Variants in AFF4 observed in about 807,000 individuals in gnomAD.
AFF4 encodes AF4/FMR2 family member 4.
AFF4 carries 13 observed loss-of-function variants against 124.8 expected under a neutral mutation model. The ratio of observed to expected loss-of-function variants is 0.10; its 90% confidence interval spans 0.07 to 0.17. The LOEUF (loss-of-function observed/expected upper bound fraction) is 0.17. AFF4 is among the 10% of genes least tolerant of loss of function. The pLI, the probability that AFF4 is intolerant of heterozygous loss-of-function variation, is 1.00. For missense variants in AFF4, 1,092 were observed against 1,403.8 expected, an observed-to-expected ratio of 0.78 and a Z score of 3.55; for synonymous variants, 477 against 496.1, an observed-to-expected ratio of 0.96 and a Z score of 0.51.
Position 132,896,530 on chromosome 5 carries a change from T to G in AFF4, c.2100A>C (p.Glu700Asp). 1.9e-6 allele frequency: 3 copies of G among 1,614,134 alleles called. No homozygotes were observed. The highest frequency in any genetic ancestry group is 2.5e-6 in the Non-Finnish European group (3 of 1,180,028). ...QRMFSPMEEK[E>D]LLSPLSEPDD... ...CAGGCTCACTGAGGGGTGAAAGAAG[T>G]TCCTTCTCTTCCATAGGAGAGAACA... The change falls in exon 11 of 21, where the codon GAA becomes GAC. Residue 700 changes from glutamate to aspartate, a missense_variant. By Grantham distance (45) the Glu-to-Asp change is conservative (BLOSUM62 2). This residue lies in a region of AFF4 where 293 missense variants were observed against 280.2 expected (regional missense o/e 1.05). Coordinates refer to ENST00000265343, the MANE Select transcript of AFF4 (RefSeq NM_014423.4).
chr5:132,933,871 CAATT>C (rs545298376), intron 3 of AFF4, among the ~76,000 whole-genome samples: 61 of 152,286 alleles, frequency 4.0e-4, no homozygotes, highest in African/African-American at 1.3e-3. Context: ...TCTAAGATAT[CAATT>C]AGTCATTCTT....
At chr5:132,956,216 T>C (rs1006927296) in intron 1 of AFF4, among the ~76,000 whole-genome samples, 3 of 152,098 alleles carry the variant, frequency 2.0e-5, no homozygotes, top group Non-Finnish European at 4.4e-5. Context: ...GCAGGCCATA[T>C]AGTCACAATT....
chr5:132,911,177 A>G (rs904616476), intron 5 of AFF4, among the ~76,000 whole-genome samples: 1 of 152,096 alleles, frequency 6.6e-6, no homozygotes, highest in African/African-American at 2.4e-5. Flanking sequence ...AAATATCTTC[A>G]TCTTATAAAA....
rs945873232 is a variant in AFF4, at chr5:132,887,995, G to A, written c.2797-13C>T. 3.7e-6 allele frequency: 6 copies of A among 1,612,614 alleles called. No individual in the cohort carries two copies. Among genetic ancestry groups the A allele is most frequent in the African/African-American group, 1.3e-5 (1 of 74,874 alleles). ...CAAACCTATCAGACTGAAGAAAGGA[G>A]AATGCAAGTAATGAGTAATGATCTA... On this transcript the variant is annotated splice_polypyrimidine_tract_variant and intron_variant, in intron 15 of 20. Coordinates refer to ENST00000265343, the MANE Select transcript of AFF4 (RefSeq NM_014423.4).
chr5:132,919,713 G>A (rs1222097557), intron 5 of AFF4, among the ~76,000 whole-genome samples: 4 of 152,084 alleles, frequency 2.6e-5, no homozygotes, highest in African/African-American at 9.7e-5. Context: ...AGCCGGGTGT[G>A]GTGGCATGCA....
At chr5:132,943,023 C>A in intron 1 of AFF4, 1 of 213,768 alleles carries the variant, frequency 4.7e-6, no homozygotes, top group South Asian at 8.5e-5. Context: ...GATGACAGTT[C>A]CCTGCGGAAA....
Position 132,940,500 on chromosome 5 carries a change from C to CA in AFF4, c.-4-3308dup, listed in dbSNP as rs530459056. Among the ~76,000 whole-genome samples, 840 of 146,264 alleles carry CA rather than the reference C, an allele frequency of 5.7e-3. 5 individuals are homozygous for CA. Among genetic ancestry groups the CA allele is most frequent in the Middle Eastern group, 0.031 (9 of 286 alleles). On this transcript the variant is annotated intron_variant, in intron 1 of 20. Transcript: ENST00000265343. ...TGGGCGACAGAGGGAGACTCCGTCT[C>CA]AAAAAAAAATAAAAATAAAAACAAA...
chr5:132,918,744 T>G (rs1760973878), intron 5 of AFF4, among the ~76,000 whole-genome samples: 1 of 151,902 alleles, frequency 6.6e-6, no homozygotes, highest in African/African-American at 2.4e-5. Context: ...TAGACCAAAA[T>G]AGAGAGAAAT....
intron 1 of AFF4, among the ~76,000 whole-genome samples, chr5:132,957,013 T>A (rs1761975727): frequency 1.1e-5 from 1 of 90,558 alleles, no homozygotes. Flanking sequence ...GTGTGAGACT[T>A]CGTCTCAAAA....
At chr5:132,900,793 G>C in intron 7 of AFF4, 1 of 864,342 alleles carries the variant, frequency 1.2e-6, no homozygotes, top group South Asian at 5.3e-5. Flanking sequence ...TTTTACATGG[G>C]AGGAAAAATT....
intron 2 of AFF4, among the ~76,000 whole-genome samples, chr5:132,935,475 C>T (rs1309953318): frequency 6.6e-6 from 1 of 151,064 alleles, no homozygotes; most frequent in South Asian, 2.1e-4. Flanking sequence ...AAAATACAAA[C>T]GTTAGCCGGG....
Position 132,939,593 on chromosome 5 carries a change from C to T in AFF4, c.-4-2400G>A, listed in dbSNP as rs75771882. ...ACTACCAGTTTCCTTAAATTTAAATCCTGAAAGATCTGCAACTTCTTTTTT... is the reference window on the plus strand; with the variant it reads ...ACTACCAGTTTCCTTAAATTTAAATTCTGAAAGATCTGCAACTTCTTTTTT... On this transcript the variant is annotated intron_variant, in intron 1 of 20. Transcript: ENST00000265343. 4.5e-3 allele frequency among the ~76,000 whole-genome samples: 690 copies of T among 152,302 alleles called. 9 individuals carry two copies. Among genetic ancestry groups the T allele is most frequent in the African/African-American group, 0.016 (670 of 41,570 alleles).
In AFF4 at chr5:132,883,496, A is replaced by G; in HGVS notation, c.3208T>C (p.Ser1070Pro). Residue 1070 changes from serine (S) to proline (P), a missense_variant, in exon 20 of 21, where the codon TCA becomes CCA. By Grantham distance (74) the Ser-to-Pro change is moderately conservative (BLOSUM62 -1). Coordinates refer to ENST00000265343, the MANE Select transcript of AFF4 (RefSeq NM_014423.4). ...KLSPGNSGNY[S>P]SGASSASASG... ...GCAGAAGCACTACTGGCCCCAGATG[A>G]ATAATTTCCTGAATTGCCTGGTGAC... 6.2e-7 allele frequency: 1 copy of G among 1,614,076 alleles called. No individual in the cohort carries two copies. Among genetic ancestry groups the G allele is most frequent in the Non-Finnish European group, 8.5e-7 (1 of 1,180,024 alleles).
At position 132,937,152 on chromosome 5, in the gene AFF4, T is replaced by A; in HGVS notation, c.38A>T (p.Glu13Val). 6.2e-7 allele frequency: 1 copy of A among 1,614,028 alleles called. No individual in the cohort carries two copies. Among genetic ancestry groups the A allele is most frequent in the Non-Finnish European group, 8.5e-7 (1 of 1,179,940 alleles). ...REDRNVLRMK[E>V]RERRNQEIQQ... ...AATTTCCTGATTCCGCCTTTCCCGT[T>A]CTTTCATACGCAGCACATTCCGGTC... Residue 13 changes from glutamate (E) to valine (V), a missense_variant, in exon 2 of 21, where the codon GAA becomes GTA. Physicochemically the swap from Glu to Val is moderately radical, Grantham distance 121 (BLOSUM62 -2). Transcript: ENST00000265343.
chr5:132,880,026 T>A lies in AFF4; in HGVS notation c.*1033A>T, dbSNP rs1302541540. On this transcript the variant is annotated 3_prime_UTR_variant, in exon 21 of 21. Coordinates refer to ENST00000265343, the MANE Select transcript of AFF4 (RefSeq NM_014423.4). The stretch of plus-strand genomic sequence containing the variant: ...TATTTCTGTATCAGTCATTGCATGC[T>A]CATATCAGAGCATCACAATCCAGTA... The A allele has an allele frequency of 2.0e-5, 8 of 392,246 alleles. No individual in the cohort carries two copies. The highest frequency in any genetic ancestry group is 8.2e-5 in the African/African-American group (4 of 48,504). 24.3% of individuals were successfully genotyped at this position (392,246 alleles called of 1,614,324 possible).
In AFF4 at chr5:132,896,671, T is replaced by C; in HGVS notation, c.1959A>G (p.Ser653=). Residue 653 remains serine, a synonymous_variant, in exon 11 of 21, where the codon TCA becomes TCG. Transcript: ENST00000265343. ...AAGGAGGAAGGCTCTCACTTTCATCTGAATCTGAGGATGAGGTATCTGTTT... is the reference window on the plus strand; with the variant it reads ...AAGGAGGAAGGCTCTCACTTTCATCCGAATCTGAGGATGAGGTATCTGTTT... The part of the protein sequence containing the change: ...IIETDTSSSD[S]DESESLPPSS... The C allele has an allele frequency of 4.3e-6, 7 of 1,614,114 alleles. No individual in the cohort carries two copies. The highest frequency in any genetic ancestry group is 5.9e-6 in the Non-Finnish European group (7 of 1,179,996).
In AFF4 at chr5:132,892,236, G is replaced by C; in HGVS notation, c.2565C>G (p.Ser855Arg). The C allele has an allele frequency of 6.2e-7, 1 of 1,614,020 alleles. No homozygotes were observed. The highest frequency in any genetic ancestry group is 8.5e-7 in the Non-Finnish European group (1 of 1,180,016). The stretch of plus-strand genomic sequence containing the variant: ...GCTTTGATGTGGAGGAACTGTTTTT[G>C]CTGCTGCCACTCGTCTCCTTGTTGC... Reference protein sequence around the residue: ...SNSNKETSGSSKNSSSTSKQK... With the variant: ...SNSNKETSGSRKNSSSTSKQK... The change falls in exon 13 of 21, where the codon AGC (serine) becomes AGG (arginine). Residue 855 changes from serine to arginine, a missense_variant. Coordinates refer to ENST00000265343, the MANE Select transcript of AFF4 (RefSeq NM_014423.4).
At chr5:132,952,603 T>C (rs960379758) in intron 1 of AFF4, among the ~76,000 whole-genome samples, 9 of 152,120 alleles carry the variant, frequency 5.9e-5, no homozygotes, top group Admixed American at 4.6e-4. Context: ...GCTTAAAATA[T>C]CTCTATGTGG....
rs766363441 is a variant in AFF4 at position 132,898,342 on chromosome 5, T to C, written c.1277A>G (p.Asp426Gly). The C allele has an allele frequency of 5.0e-6, 8 of 1,614,214 alleles. No homozygotes were observed. Among genetic ancestry groups the C allele is most frequent in the Non-Finnish European group, 8.5e-7 (1 of 1,180,034 alleles). ...AGATCCACTGTGGCTACTAGAATCA[T>C]CCCTGGAGTTATCTGCTCCTTCACT... ...HNSEGADNSR[D>G]DSSSHSGSES... The change falls in exon 10 of 21, where the codon GAT (aspartate) becomes GGT (glycine). Residue 426 changes from aspartate (D) to glycine (G), a missense_variant. Transcript: ENST00000265343.
Sources: allele counts gnomAD v4.1 joint callset (sites outside exome capture counted in the v4.1 genomes callset), GRCh38; gene constraint gnomAD v4.1.1; regional missense constraint gnomAD v4.1.1; transcripts MANE v1.5; gene names NCBI Gene and HGNC (gene_info 2026-07-23, HGNC 2026-07-21).